The following PCDHA4 variants were observed in gnomAD, a reference collection of about 807,000 sequenced individuals.
The protein encoded by PCDHA4 is protocadherin alpha 4.
Under a neutral mutation model 61.4 loss-of-function variants are expected in PCDHA4, and 49 were observed. The ratio of observed to expected loss-of-function variants is 0.80; its 90% CI spans 0.63 to 1.01. PCDHA4 has a LOEUF of 1.01. Among genes scored for constraint, PCDHA4 ranks in the 50% least tolerant of loss-of-function variants. The pLI is 0.00. For synonymous variants in PCDHA4, 590 were observed against 550.3 expected (o/e 1.07, Z -1.01); for missense variants, 1,254 against 1,235.8 (o/e 1.01, Z -0.22).
chr5:140,838,075 ATAGTGTGT>A (rs2150283132), intron 1 of PCDHA4, among the ~76,000 whole-genome samples: 16,155 of 126,956 alleles, frequency 0.13, 1,025 homozygotes, highest in Middle Eastern at 0.15. Context: ...TTATATATAT[ATAGTGTGT>A]GTGTGTGTGT....
At chr5:140,913,145 G>A (rs2076230074) in intron 1 of PCDHA4, among the ~76,000 whole-genome samples, 1 of 152,150 alleles carries the variant, frequency 6.6e-6, no homozygotes, top group Non-Finnish European at 1.5e-5. Context: ...TTTTGGAATA[G>A]TTTGAGTAGG....
At chr5:140,835,389 G>T (rs2150234834) in intron 1 of PCDHA4, 2 of 1,613,958 alleles carry the variant, frequency 1.2e-6, no homozygotes, top group Admixed American at 1.7e-5. Context: ...TCATTGTACA[G>T]TTCTTGTGGA....
intron 1 of PCDHA4, chr5:140,869,033 T>C (rs1161601594): frequency 6.5e-7 from 1 of 1,527,194 alleles, no homozygotes; most frequent in East Asian, 2.3e-5. Flanking sequence ...AACGAGATTT[T>C]TAACCTGAAA....
chr5:140,960,708 T>C (rs578004240), intron 1 of PCDHA4, among the ~76,000 whole-genome samples: 1 of 152,142 alleles, frequency 6.6e-6, no homozygotes, highest in Non-Finnish European at 1.5e-5. Context: ...TAGTGCCAAA[T>C]ACTCATCTTA....
At chr5:140,841,846 T>C (rs2150323998) in intron 1 of PCDHA4, 5 of 1,613,898 alleles carry the variant, frequency 3.1e-6, no homozygotes, top group Non-Finnish European at 4.2e-6. Context: ...TTAGCTCTCA[T>C]GATTACTTCA....
At chr5:140,871,567 A>AT (rs1441824086) in intron 1 of PCDHA4, 49 of 1,482,936 alleles carry the variant, frequency 3.3e-5, no homozygotes, top group Non-Finnish European at 3.9e-5. Flanking sequence ...TTTTTCACGG[A>AT]TTTTTTAAGG....
chr5:140,824,401 T>A (rs1459968024), intron 1 of PCDHA4: 3 of 544,498 alleles, frequency 5.5e-6, no homozygotes, highest in Non-Finnish European at 9.7e-6. Context: ...GGATAATAAT[T>A]GTAAGACATA....
At chr5:140,978,914 C>A (rs2096828574) in intron 1 of PCDHA4, 35 bp from the exon 2 acceptor site, 10 of 1,613,852 alleles carry the variant, frequency 6.2e-6, no homozygotes, top group Non-Finnish European at 8.5e-6. Context: ...ATTGTCTTGT[C>A]ATTTTAACAG....
intron 1 of PCDHA4, chr5:140,967,594 G>A: frequency 6.2e-7 from 1 of 1,614,142 alleles, no homozygotes; most frequent in Non-Finnish European, 8.5e-7. Flanking sequence ...GCACATTGGT[G>A]GTGAAGCTGA....
chr5:140,822,799 G>A, intron 1 of PCDHA4: 1 of 1,614,160 alleles, frequency 6.2e-7, no homozygotes, highest in Middle Eastern at 1.6e-4. Flanking sequence ...ACTCCTGGAT[G>A]TGAATGATAA....
chr5:140,973,936 G>A (rs2096608372), intron 1 of PCDHA4, among the ~76,000 whole-genome samples: 1 of 152,334 alleles, frequency 6.6e-6, no homozygotes, highest in Admixed American at 6.5e-5. Context: ...AGGTTTAGCT[G>A]AATATGATGG....
intron 1 of PCDHA4, chr5:140,882,201 CT>C: frequency 6.5e-7 from 1 of 1,528,460 alleles, no homozygotes; most frequent in South Asian, 1.3e-5. Context: ...AAAATTGGGC[CT>C]TGAGAGACAG....
intron 1 of PCDHA4, chr5:140,929,251 G>A (rs782590821): frequency 6.2e-7 from 1 of 1,613,534 alleles, no homozygotes; most frequent in South Asian, 1.1e-5. Flanking sequence ...TGCCACTGGG[G>A]TAGGACTGAA....
intron 1 of PCDHA4, among the ~76,000 whole-genome samples, chr5:140,947,165 T>C (rs1034105702): frequency 6.6e-6 from 1 of 151,228 alleles, no homozygotes. Context: ...GGGTAGAAAA[T>C]GTGGTATATA....
intron 3 of PCDHA4, among the ~76,000 whole-genome samples, chr5:140,985,922 G>A (rs1361292887): frequency 6.6e-6 from 1 of 151,826 alleles, no homozygotes; most frequent in African/African-American, 2.4e-5. Flanking sequence ...TGTATTTTTA[G>A]TAGAGCCGGG....
rs1053803675 is a variant in PCDHA4 at position 140,807,488 on chromosome 5, G to A, written c.301G>A (p.Glu101Lys). Reference protein sequence around the residue: ...DREELCRRSAECSIHLEVIVD... With the variant: ...DREELCRRSAKCSIHLEVIVD... ...GGAGGAGCTGTGCCGGCGGAGCGCG[G>A]AGTGCAGCATCCACCTGGAGGTGAT... Residue 101 changes from glutamate to lysine, a missense_variant, in exon 1 of 4, where the codon GAG becomes AAG. Glu to Lys is a moderately conservative substitution (Grantham distance 56, BLOSUM62 1). Coordinates refer to ENST00000530339, the MANE Select transcript of PCDHA4 (RefSeq NM_018907.4). The A allele has an allele frequency of 6.2e-7, 1 of 1,613,550 alleles. No individual in the cohort carries two copies. Among genetic ancestry groups the A allele is most frequent in the Non-Finnish European group, 8.5e-7 (1 of 1,179,858 alleles).
At position 141,010,062 on chromosome 5, in the gene PCDHA4, A is replaced by G. The variant is rs1310704954; in HGVS notation, c.*125A>G. The G allele has an allele frequency of 8.1e-6, 13 of 1,602,422 alleles. No individual in the cohort carries two copies. Among genetic ancestry groups the G allele is most frequent in the African/African-American group, 2.7e-5 (2 of 74,284 alleles). On this transcript the variant is annotated 3_prime_UTR_variant, in exon 4 of 4. Transcript: ENST00000530339. Reference sequence around the variant, plus strand: ...CCTCTTAGAGACCTCAGAAATCTGCAGAAAGTTCCCTGTGTCTGTCTAGAA... The same window carrying G: ...CCTCTTAGAGACCTCAGAAATCTGCGGAAAGTTCCCTGTGTCTGTCTAGAA...
intron 1 of PCDHA4, chr5:140,849,568 C>G: frequency 1.3e-6 from 2 of 1,598,620 alleles, no homozygotes; most frequent in Non-Finnish European, 1.7e-6. Flanking sequence ...CTCTCGGTTC[C>G]TGTAAAAGAG....
intron 1 of PCDHA4, among the ~76,000 whole-genome samples, chr5:140,895,075 A>C (rs1309295177): frequency 6.6e-6 from 1 of 152,102 alleles, no homozygotes; most frequent in Admixed American, 6.5e-5. Flanking sequence ...AATTCCTATC[A>C]GTTCCTCCTC....
Sources: gnomAD v4.1 joint callset for allele counts (sites outside exome capture counted in the v4.1 genomes callset) on GRCh38, gnomAD v4.1.1 for gene constraint, MANE v1.5 for transcripts, NCBI Gene and HGNC (gene_info 2026-07-23, HGNC 2026-07-21) for gene names.